FAT3: variants seen among roughly 807,000 people sequenced by gnomAD.
FAT3 encodes FAT atypical cadherin 3.
Under a neutral mutation model 310.2 loss-of-function variants are expected in FAT3, and 95 were observed. The observed-to-expected ratio is 0.31, with a 90% confidence interval of 0.26 to 0.36. The LOEUF (loss-of-function observed/expected upper bound fraction) is 0.36, where lower values mean the gene tolerates loss of function less well. Among genes scored for constraint, FAT3 ranks in the 10% least tolerant of loss-of-function variants. The probability of loss-of-function intolerance (pLI) is 1.00; values close to 1 mark genes in which losing one functional copy is unlikely to be tolerated. For missense variants in FAT3, 5,408 were observed against 5,715.6 expected, an observed-to-expected ratio of 0.95 and a Z score of 1.74; for synonymous variants, 2,314 against 2,192.9, an observed-to-expected ratio of 1.06 and a Z score of -1.54.
intron 4 of FAT3, among the ~76,000 whole-genome samples, chr11:92,705,309 ATGATGGTGG>A (rs1378847781): frequency 7.0e-6 from 1 of 142,692 alleles, no homozygotes; most frequent in East Asian, 2.1e-4. Flanking sequence ...TGGTGGTGTG[ATGATGGTGG>A]TGATGGTGGT....
rs373395520 is a variant in FAT3 at position 92,475,466 on chromosome 11, C to T, written c.3293-49168C>T. ...TCCTAGGGTCAGAGGGAAGGTGAAACAGTTCAAAAGAACCTACATATGCTG... is the reference window on the plus strand; with the variant it reads ...TCCTAGGGTCAGAGGGAAGGTGAAATAGTTCAAAAGAACCTACATATGCTG... On this transcript the variant is annotated intron_variant, in intron 2 of 27. Transcript: ENST00000525166. Among the ~76,000 whole-genome samples, 11 of 151,626 alleles carry T rather than the reference C, an allele frequency of 7.3e-5. No homozygotes were observed. The South Asian group carries it at 2.3e-3, about 32-fold the overall frequency.
intron 3 of FAT3, among the ~76,000 whole-genome samples, chr11:92,679,320 A>G (rs1943393437): frequency 6.6e-6 from 1 of 151,912 alleles, no homozygotes; most frequent in African/African-American, 2.4e-5. Flanking sequence ...GATAACCAGT[A>G]GTGGGATTGC....
At chr11:92,324,711 G>A (rs1304882998) in intron 1 of FAT3, among the ~76,000 whole-genome samples, 2 of 152,218 alleles carry the variant, frequency 1.3e-5, no homozygotes, top group Non-Finnish European at 2.9e-5. Flanking sequence ...CGATAGACTT[G>A]CTCAAAGCAG....
In FAT3 at chr11:92,410,608, C is replaced by CT. The variant is rs933384146; in HGVS notation, c.3292+55213dup. On this transcript the variant is annotated intron_variant, in intron 2 of 27. Coordinates refer to ENST00000525166, the MANE Select transcript of FAT3 (RefSeq NM_001367949.2). ...TTTTGCTGCTGTACATTGTTGTGTC[C>CT]TTTTTTTTTGCTTTTTGTTTTTAGC... 2.0e-4 allele frequency among the ~76,000 whole-genome samples: 30 copies of CT among 150,486 alleles called. No individual in the cohort carries two copies. In the South Asian group the frequency reaches 3.0e-3, roughly 15 times the overall value.
intron 1 of FAT3, among the ~76,000 whole-genome samples, chr11:92,290,634 G>A (rs1271888333): frequency 6.6e-6 from 1 of 151,510 alleles, no homozygotes; most frequent in Non-Finnish European, 1.5e-5. Flanking sequence ...CTTGGTGGTG[G>A]GCACCTATAA....
chr11:92,524,591 T>C, intron 2 of FAT3, 43 bp from the exon 3 acceptor site: 6 of 1,569,124 alleles, frequency 3.8e-6, no homozygotes, highest in Non-Finnish European at 4.3e-6. Context: ...ATTTAATGTC[T>C]TCCCTTTCTC....
chr11:92,500,699 G>A (rs1288887081), intron 2 of FAT3, among the ~76,000 whole-genome samples: 2 of 151,980 alleles, frequency 1.3e-5, no homozygotes, highest in African/African-American at 4.8e-5. Context: ...AGTGTAATCG[G>A]TTTTGCCAGC....
At chr11:92,248,266 C>T (rs542906591) in intron 1 of FAT3, among the ~76,000 whole-genome samples, 8 of 152,132 alleles carry the variant, frequency 5.3e-5, no homozygotes, top group African/African-American at 1.9e-4. Context: ...TCTCATGTAT[C>T]AGTTGCAAAA....
intron 22 of FAT3, among the ~76,000 whole-genome samples, chr11:92,867,829 A>G (rs537730246): frequency 6.6e-6 from 1 of 152,250 alleles, no homozygotes; most frequent in Non-Finnish European, 1.5e-5. Context: ...TCTCAGGACA[A>G]ATAAGCAGGC....
chr11:92,467,019 T>G (rs554773325), intron 2 of FAT3, among the ~76,000 whole-genome samples: 1 of 152,210 alleles, frequency 6.6e-6, no homozygotes, highest in South Asian at 2.1e-4. Flanking sequence ...TCTTTGCTAT[T>G]GTGAATAGTG....
intron 1 of FAT3, among the ~76,000 whole-genome samples, chr11:92,227,908 G>A (rs1209547253): frequency 7.3e-6 from 1 of 137,388 alleles, no homozygotes; most frequent in East Asian, 2.0e-4. Context: ...GGTTGGAGTG[G>A]GGGAAGTTTT....
At chr11:92,720,232 C>G (rs567405776) in intron 4 of FAT3, among the ~76,000 whole-genome samples, 1 of 152,298 alleles carries the variant, frequency 6.6e-6, no homozygotes, top group South Asian at 2.1e-4. Context: ...GCTTTAAGCA[C>G]TGCTGTGGAA....
chr11:92,661,518 C>A (rs891693669), intron 3 of FAT3, among the ~76,000 whole-genome samples: 1 of 151,958 alleles, frequency 6.6e-6, no homozygotes, highest in African/African-American at 2.4e-5. Context: ...CATGTGGAAT[C>A]TGAGGTGTAA....
At chr11:92,578,450 G>C (rs1395391381) in intron 3 of FAT3, among the ~76,000 whole-genome samples, 1 of 152,050 alleles carries the variant, frequency 6.6e-6, no homozygotes, top group East Asian at 1.9e-4. Flanking sequence ...CAAAAACATA[G>C]GGAACATAAG....
At chr11:92,411,048 AAT>A (rs571948580) in intron 2 of FAT3, among the ~76,000 whole-genome samples, 105 of 143,114 alleles carry the variant, frequency 7.3e-4, no homozygotes, top group African/African-American at 2.7e-3. Context: ...AAATGTATAT[AAT>A]ATATATATAA....
At chr11:92,673,217 C>T (rs900666306) in intron 3 of FAT3, among the ~76,000 whole-genome samples, 4 of 152,116 alleles carry the variant, frequency 2.6e-5, no homozygotes, top group Non-Finnish European at 4.4e-5. Flanking sequence ...TTTTATAAGA[C>T]CAGCTCATAT....
chr11:92,723,816 G>A (rs1944927902), intron 4 of FAT3, among the ~76,000 whole-genome samples: 1 of 152,094 alleles, frequency 6.6e-6, no homozygotes, highest in South Asian at 2.1e-4. Flanking sequence ...CACGAGAACA[G>A]CACGGGAAAG....
chr11:92,840,601 G>A lies in FAT3; in HGVS notation c.10408G>A (p.Val3470Met). Residue 3470 changes from valine (V) to methionine (M), a missense_variant, in exon 18 of 28, where the codon GTG (valine) becomes ATG (methionine). By Grantham distance (21) the Val-to-Met change is conservative (BLOSUM62 1). Transcript: ENST00000525166. ...PVGTSILQLV[V>M]TDRDSFHNGP... ...GGGCACCAGCATCTTGCAGCTGGTG[G>A]TGACAGACAGAGACTCCTTTCACAA... The A allele has an allele frequency of 6.2e-7, 1 of 1,607,714 alleles. No individual in the cohort carries two copies. The highest frequency in any genetic ancestry group is 2.2e-5 in the East Asian group (1 of 44,698).
chr11:92,475,532 A>C (rs1283126350), intron 2 of FAT3, among the ~76,000 whole-genome samples: 1 of 152,074 alleles, frequency 6.6e-6, no homozygotes, highest in Non-Finnish European at 1.5e-5. Flanking sequence ...ACAGAGACAA[A>C]GCCTTGAAAC....
Sources: allele counts gnomAD v4.1 joint callset (sites outside exome capture counted in the v4.1 genomes callset), GRCh38; gene constraint gnomAD v4.1.1; transcripts MANE v1.5; gene names NCBI Gene and HGNC (gene_info 2026-07-23, HGNC 2026-07-21).